Variants in SYT2 observed in about 807,000 individuals in gnomAD.
The protein encoded by SYT2 is synaptotagmin-2.
Under a neutral mutation model 39.9 loss-of-function variants are expected in SYT2, and 15 were observed. The ratio of observed to expected loss-of-function variants is 0.38; its 90% confidence interval spans 0.25 to 0.58. The LOEUF is 0.58. Among genes scored for constraint, SYT2 ranks in the 20% least tolerant of loss-of-function variants. The pLI is 0.70. For missense variants in SYT2, 389 were observed against 530.3 expected, an observed-to-expected ratio of 0.73 and a Z score of 2.62; for synonymous variants, 181 against 204.5, an observed-to-expected ratio of 0.89 and a Z score of 0.98.
intron 1 of SYT2, among the ~76,000 whole-genome samples, chr1:202,707,652 C>CCCCCTGCTTCCTG (rs1229327486): frequency 3.3e-5 from 5 of 152,242 alleles, no homozygotes; most frequent in Admixed American, 6.5e-5. Flanking sequence ...TCTGTCCTCA[C>CCCCCTGCTTCCTG]TGCCTTCTGT....
intron 8 of SYT2, among the ~76,000 whole-genome samples, chr1:202,597,374 C>T (rs1166285931): frequency 1.3e-5 from 2 of 151,946 alleles, no homozygotes; most frequent in Non-Finnish European, 2.9e-5. Flanking sequence ...GTCCTGGGGC[C>T]AATCAGAAAA....
rs577158164 is a variant in SYT2 at position 202,682,299 on chromosome 1, C to T, written c.-18+27959G>A. Reference sequence around the variant, plus strand: ...TGTGCATGACTTCTGACTGCCCCTCCCCTGCCTGGCTCAAACACGCCCCCA... The same window carrying T: ...TGTGCATGACTTCTGACTGCCCCTCTCCTGCCTGGCTCAAACACGCCCCCA... On this transcript the variant is annotated intron_variant, in intron 1 of 8. Coordinates refer to ENST00000367268, the MANE Select transcript of SYT2 (RefSeq NM_177402.5). Among the ~76,000 whole-genome samples the T allele has an allele frequency of 2.6e-5, 4 of 152,296 alleles. No homozygotes were observed. In the South Asian group the frequency reaches 8.3e-4, roughly 32 times the overall value.
rs924999083 is a variant in SYT2 at position 202,612,276 on chromosome 1, A to AT, written c.-17-6488dup. 2.4e-4 allele frequency among the ~76,000 whole-genome samples: 36 copies of AT among 148,300 alleles called. 1 individual carries two copies. Among genetic ancestry groups the AT allele is most frequent in the South Asian group, 8.6e-4 (4 of 4,678 alleles). ...CTAACCTCATGGCAATACCACACTG[A>AT]TTTTTTTTTTTAATAGCACCTGCCT... On this transcript the variant is annotated intron_variant, in intron 1 of 8. Coordinates refer to ENST00000367268, the MANE Select transcript of SYT2 (RefSeq NM_177402.5).
chr1:202,710,433 C>G lies in SYT2; in HGVS notation c.-193G>C, dbSNP rs1371079455. ...GCTCCGAAGTGCCTTTGCCGCAAGA[C>G]TTGCTGAGCTTAGCAGTCTGCGCCG... On this transcript the variant is annotated 5_prime_UTR_variant, in exon 1 of 9. Transcript: ENST00000367268. 1.3e-5 allele frequency: 2 copies of G among 152,342 alleles called. No homozygotes were observed. Among genetic ancestry groups the G allele is most frequent in the African/African-American group, 4.8e-5 (2 of 41,480 alleles). 9.4% of individuals were successfully genotyped at this position (152,342 alleles called of 1,614,324 possible). A position where few individuals can be genotyped will look rare whatever the true frequency, so the allele number is the denominator to read the frequency against.
chr1:202,592,380 T>G lies in SYT2; in HGVS notation c.*4377A>C, dbSNP rs1690152839. 1 of 152,656 alleles carries G rather than the reference T, an allele frequency of 6.6e-6. No homozygotes were observed. The highest frequency in any genetic ancestry group is 2.1e-4 in the South Asian group (1 of 4,834). 9.5% of individuals were successfully genotyped at this position (152,656 alleles called of 1,614,324 possible). ...CCCACTGATGACTCCCATGGGGGGT[T>G]TCCCGATGGGAGGAGGCAGGGGTGG... is the stretch of plus-strand genomic sequence containing the variant. On this transcript the variant is annotated 3_prime_UTR_variant, in exon 9 of 9. Transcript: ENST00000367268.
intron 1 of SYT2, among the ~76,000 whole-genome samples, chr1:202,622,174 G>A (rs188912208): frequency 9.8e-5 from 15 of 152,308 alleles, no homozygotes; most frequent in Non-Finnish European, 2.2e-4. Context: ...GAAGCTCACA[G>A]GCTAGAAAGA....
At position 202,593,824 on chromosome 1, in the gene SYT2, C is replaced by T. The variant is rs1690203312; in HGVS notation, c.*2933G>A. The T allele has an allele frequency of 1.3e-5, 2 of 152,314 alleles. No homozygotes were observed. The allele number at this position is 152,314 out of a possible 1,614,324, so 9.4% of individuals were successfully genotyped here. A position where few individuals can be genotyped will look rare whatever the true frequency, so the allele number is the denominator to read the frequency against. ...TTCTCTAAAAATCACCTCTATACTA[C>T]TTTCCTTTCTCTGGAACAGACTTTG... On this transcript the variant is annotated 3_prime_UTR_variant, in exon 9 of 9. Transcript: ENST00000367268.
rs139521646 is a variant in SYT2 at position 202,601,658 on chromosome 1, G to A, written c.801+232C>T. On this transcript the variant is annotated intron_variant, in intron 6 of 8. Transcript: ENST00000367268. The surrounding 1 kb of genome is among the most constrained non-coding windows in gnomAD (Gnocchi z 4.0). ...TACCAAATACCAGTCGCTGCGCTAG[G>A]CGCTTTATGCAGGTAATGAATCCTC... Among the ~76,000 whole-genome samples the A allele has an allele frequency of 2.6e-3, 390 of 152,298 alleles. 1 individual carries two copies. Among genetic ancestry groups the A allele is most frequent in the African/African-American group, 9.0e-3 (375 of 41,558 alleles).
intron 5 of SYT2, 104 bp downstream of exon 5, chr1:202,602,274 G>A (rs1690533139): frequency 7.3e-7 from 1 of 1,375,112 alleles, no homozygotes; most frequent in East Asian, 2.3e-5. Context: ...GGCTGCCATT[G>A]TTCCAGGCTG....
intron 1 of SYT2, among the ~76,000 whole-genome samples, chr1:202,703,526 G>A (rs1385353742): frequency 6.6e-6 from 1 of 152,030 alleles, no homozygotes; most frequent in Non-Finnish European, 1.5e-5. Flanking sequence ...CAGGAAACTG[G>A]GAGAAGAGCC....
chr1:202,602,932 C>A, intron 4 of SYT2, 67 bp downstream of exon 4: 4 of 1,570,816 alleles, frequency 2.5e-6, no homozygotes, highest in Non-Finnish European at 2.6e-6. Flanking sequence ...CTGTTTCTAT[C>A]CCCCTTCCAC....
intron 1 of SYT2, among the ~76,000 whole-genome samples, chr1:202,662,000 C>T (rs1474119653): frequency 6.6e-6 from 1 of 152,224 alleles, no homozygotes; most frequent in Non-Finnish European, 1.5e-5. Flanking sequence ...AAGAGGCCCA[C>T]CCTCCAATGA....
intron 1 of SYT2, among the ~76,000 whole-genome samples, chr1:202,675,253 A>G (rs1359435161): frequency 6.6e-6 from 1 of 152,110 alleles, no homozygotes; most frequent in African/African-American, 2.4e-5. Context: ...ACGTGCAGTC[A>G]TTCATTTAAC....
Position 202,604,479 on chromosome 1 carries a change from G to C in SYT2, c.321C>G (p.Asn107Lys). Residue 107 changes from asparagine (N) to lysine (K), a missense_variant, in exon 3 of 9, where the codon AAC becomes AAG. Coordinates refer to ENST00000367268, the MANE Select transcript of SYT2 (RefSeq NM_177402.5). ...CCTGACCCCCTTTCATGTCCTTCAT[G>C]TTCATGGCATTCTTCATGCCTTTGC... Reference protein sequence around the residue: ...EKGKGMKNAMNMKDMKGGQDD... With the variant: ...EKGKGMKNAMKMKDMKGGQDD... The C allele has an allele frequency of 6.2e-7, 1 of 1,614,176 alleles. No individual in the cohort carries two copies.
intron 1 of SYT2, among the ~76,000 whole-genome samples, chr1:202,650,697 G>A (rs1454322945): frequency 6.6e-6 from 1 of 152,194 alleles, no homozygotes; most frequent in African/African-American, 2.4e-5. Context: ...ACAAGAGTTT[G>A]GAAGTTTGCT....
intron 1 of SYT2, among the ~76,000 whole-genome samples, chr1:202,703,164 T>C (rs1351438133): frequency 6.6e-6 from 1 of 152,108 alleles, no homozygotes; most frequent in Non-Finnish European, 1.5e-5. Flanking sequence ...TGGGAAGGTC[T>C]TTGGAGCTCA....
chr1:202,668,200 G>C (rs1445759461), intron 1 of SYT2, among the ~76,000 whole-genome samples: 2 of 152,206 alleles, frequency 1.3e-5, no homozygotes. Context: ...GACACGTGGA[G>C]ACATGGGCTC....
intron 1 of SYT2, among the ~76,000 whole-genome samples, chr1:202,667,697 A>G (rs188628820): frequency 1.3e-5 from 2 of 151,728 alleles, no homozygotes; most frequent in African/African-American, 2.4e-5. Flanking sequence ...ATTTTCTTTT[A>G]TTTTTATTTT....
In SYT2 at chr1:202,614,340, T is replaced by TA; in HGVS notation, c.-17-8552_-17-8551insT. Among the ~76,000 whole-genome samples the TA allele has an allele frequency of 6.6e-6, 1 of 152,138 alleles. No homozygotes were observed. The highest frequency in any genetic ancestry group is 1.5e-5 in the Non-Finnish European group (1 of 68,028). ...GTGCTGAGCAGTTATAAGTGGGGTT[T>TA]GTGAAGTTAGCTCCATGGGGAGTGG... On this transcript the variant is annotated intron_variant, in intron 1 of 8. Transcript: ENST00000367268. The surrounding 1 kb of genome is among the most constrained non-coding windows in gnomAD (Gnocchi z 4.0).
Sources: gnomAD v4.1 joint callset for allele counts (sites outside exome capture counted in the v4.1 genomes callset) on GRCh38, gnomAD v4.1.1 for gene constraint, Gnocchi (gnomAD v3.1) non-coding constraint, MANE v1.5 for transcripts, NCBI Gene and HGNC (gene_info 2026-07-23, HGNC 2026-07-21) for gene names.